FAM114A1: variants seen among roughly 807,000 people sequenced by gnomAD.
FAM114A1 encodes the protein family with sequence similarity 114 member A1, also known as protein NOXP20.
A neutral mutation model predicts 64.3 loss-of-function variants in FAM114A1; 62 were observed. The ratio of observed to expected loss-of-function variants is 0.96; its 90% CI spans 0.79 to 1.19. FAM114A1 has a LOEUF of 1.19. Among genes scored for constraint, FAM114A1 ranks in the 50% most tolerant of loss-of-function variants. The pLI is 0.00. For missense variants in FAM114A1, 645 were observed against 676.3 expected (o/e 0.95, Z 0.51); for synonymous variants, 254 against 251.1 (o/e 1.01, Z -0.11).
chr4:38,887,987 C>T (rs903529315), intron 3 of FAM114A1, among the ~76,000 whole-genome samples: 13 of 152,246 alleles, frequency 8.5e-5, no homozygotes, highest in Admixed American at 7.2e-4. Flanking sequence ...ATACGCAGCA[C>T]CTGATTCTTG....
At chr4:38,925,238 T>G (rs1291448704) in intron 9 of FAM114A1, among the ~76,000 whole-genome samples, 2 of 152,226 alleles carry the variant, frequency 1.3e-5, no homozygotes, top group African/African-American at 4.8e-5. Context: ...AGAGGGCATC[T>G]CCAGATTTTC....
chr4:38,888,198 C>G (rs1333198687), intron 3 of FAM114A1, among the ~76,000 whole-genome samples: 2 of 151,358 alleles, frequency 1.3e-5, no homozygotes, highest in Non-Finnish European at 2.9e-5. Flanking sequence ...AAATGGGATA[C>G]TAGATATGAA....
Position 38,935,752 on chromosome 4 carries a change from T to C in FAM114A1, c.1498T>C (p.Leu500=), listed in dbSNP as rs2109800087. The C allele has an allele frequency of 6.2e-7, 1 of 1,612,176 alleles. No homozygotes were observed. The highest frequency in any genetic ancestry group is 8.5e-7 in the Non-Finnish European group (1 of 1,178,554). ...TGCAATGTGCAATGAAGTGGCCTCTTTATCAAAGAAGTTTACGAATTCTTT... is the reference window on the plus strand; with the variant it reads ...TGCAATGTGCAATGAAGTGGCCTCTCTATCAAAGAAGTTTACGAATTCTTT... The part of the protein sequence containing the change: ...TTAMCNEVAS[L]SKKFTNSLTT... Residue 500 remains leucine, a synonymous_variant, in exon 13 of 15, where the codon TTA becomes CTA. Coordinates refer to ENST00000358869, the MANE Select transcript of FAM114A1 (RefSeq NM_138389.4).
rs1206270463 is a variant in FAM114A1, at chr4:38,945,360, T to G, written c.*1803T>G. The G allele has an allele frequency of 6.6e-6, 1 of 152,252 alleles. No homozygotes were observed. Among genetic ancestry groups the G allele is most frequent in the Admixed American group, 6.5e-5 (1 of 15,280 alleles). 9.4% of individuals were successfully genotyped at this position (152,252 alleles called of 1,614,324 possible). On this transcript the variant is annotated 3_prime_UTR_variant, in exon 15 of 15. Transcript: ENST00000358869. ...GGGCATTGTCAGTGGCTGCTTCTCCTGAGCTCCACGCCTTCATTGCAGCTG... is the reference window on the plus strand; with the variant it reads ...GGGCATTGTCAGTGGCTGCTTCTCCGGAGCTCCACGCCTTCATTGCAGCTG...
intron 2 of FAM114A1, 35 bp from the exon 3 acceptor site, chr4:38,878,036 A>C: frequency 6.7e-7 from 1 of 1,497,508 alleles, no homozygotes; most frequent in Non-Finnish European, 9.0e-7. Flanking sequence ...TAACAATTCG[A>C]TGAAAGCATG....
chr4:38,891,897 C>T lies in FAM114A1; in HGVS notation c.436+67C>T, dbSNP rs561431922. ...GCCTAATAGGATAGGACGTTTTGAT[C>T]GTACTGTATACTAATAGAGTTTAAC... is the stretch of plus-strand genomic sequence containing the variant. On this transcript the variant is annotated intron_variant, in intron 4 of 14. Coordinates refer to ENST00000358869, the MANE Select transcript of FAM114A1 (RefSeq NM_138389.4). 1,050 of 1,422,428 alleles carry T rather than the reference C, an allele frequency of 7.4e-4. 3 individuals are homozygous for T. Among genetic ancestry groups the T allele is most frequent in the South Asian group, 3.5e-3 (255 of 73,534 alleles). The allele number at this position is 1,422,428 out of a possible 1,614,324, so 88.1% of individuals were successfully genotyped here.
intron 3 of FAM114A1, among the ~76,000 whole-genome samples, chr4:38,886,874 A>G (rs1445161573): frequency 6.7e-6 from 1 of 150,294 alleles, no homozygotes; most frequent in Non-Finnish European, 1.5e-5. Context: ...GCTGCAGTGA[A>G]CCAAAATCAC....
At chr4:38,915,745 G>C (rs187484438) in intron 8 of FAM114A1, among the ~76,000 whole-genome samples, 24 of 9,772 alleles carry the variant, frequency 2.5e-3, no homozygotes, top group Middle Eastern at 0.062. Flanking sequence ...ATCTATAGTG[G>C]TGTGTGTGTG....
At chr4:38,936,837 A>G (rs1287268148) in intron 13 of FAM114A1, among the ~76,000 whole-genome samples, 1 of 152,212 alleles carries the variant, frequency 6.6e-6, no homozygotes, top group Non-Finnish European at 1.5e-5. Flanking sequence ...GGCATGAGCC[A>G]CCGCGCCTGG....
intron 4 of FAM114A1, among the ~76,000 whole-genome samples, chr4:38,894,246 A>C (rs1490939620): frequency 6.6e-6 from 1 of 150,610 alleles, no homozygotes; most frequent in Non-Finnish European, 1.5e-5. Context: ...TCATTGTCTT[A>C]ATCTGCGGCC....
chr4:38,888,635 T>A (rs928775629), intron 3 of FAM114A1, among the ~76,000 whole-genome samples: 1 of 152,266 alleles, frequency 6.6e-6, no homozygotes, highest in Non-Finnish European at 1.5e-5. Context: ...TCCCTTTTGA[T>A]TAAGCCAAAT....
chr4:38,914,907 G>C lies in FAM114A1; in HGVS notation c.793-14G>C, dbSNP rs1233799039. 1 of 1,612,946 alleles carries C rather than the reference G, an allele frequency of 6.2e-7. No individual in the cohort carries two copies. The highest frequency in any genetic ancestry group is 1.7e-5 in the Admixed American group (1 of 59,902). On this transcript the variant is annotated splice_polypyrimidine_tract_variant and intron_variant, in intron 7 of 14. Coordinates refer to ENST00000358869, the MANE Select transcript of FAM114A1 (RefSeq NM_138389.4). ...AATGTACATCCAGAGTACAAACATTGTGTATTTCTGCAGATGTTAAGGGAA... is the reference window on the plus strand; with the variant it reads ...AATGTACATCCAGAGTACAAACATTCTGTATTTCTGCAGATGTTAAGGGAA...
intron 8 of FAM114A1, 113 bp downstream of exon 8, chr4:38,915,186 T>C (rs747736764): frequency 7.5e-7 from 1 of 1,341,424 alleles, no homozygotes; most frequent in Non-Finnish European, 1.0e-6. Context: ...CTCATTATTA[T>C]TGTGCTGAGG....
intron 8 of FAM114A1, among the ~76,000 whole-genome samples, chr4:38,920,230 T>G (rs1719459419): frequency 1.3e-5 from 2 of 151,190 alleles, no homozygotes. Context: ...ACAGAAAAAC[T>G]AATCATTTTC....
intron 3 of FAM114A1, among the ~76,000 whole-genome samples, chr4:38,882,176 G>A (rs1323966492): frequency 1.4e-5 from 2 of 146,904 alleles, no homozygotes; most frequent in South Asian, 4.3e-4. Context: ...GCCGGGCGCG[G>A]TGGTGGGCGC....
intron 9 of FAM114A1, among the ~76,000 whole-genome samples, chr4:38,923,919 A>G (rs977327171): frequency 2.0e-5 from 3 of 152,202 alleles, no homozygotes; most frequent in African/African-American, 7.2e-5. Flanking sequence ...AGCAGAAGAG[A>G]GTAAAACATT....
At chr4:38,908,457 TCTC>T (rs1420273357) in intron 6 of FAM114A1, 132 bp from the exon 7 acceptor site, 2 of 760,656 alleles carry the variant, frequency 2.6e-6, no homozygotes, top group South Asian at 3.1e-5. Context: ...GGATGATAAA[TCTC>T]CTGATGAGAA....
At chr4:38,909,700 T>G (rs1475332644) in intron 7 of FAM114A1, among the ~76,000 whole-genome samples, 1 of 152,232 alleles carries the variant, frequency 6.6e-6, no homozygotes, top group African/African-American at 2.4e-5. Flanking sequence ...CAGAAGCAGC[T>G]GATGCAGCAG....
At chr4:38,923,224 C>CTTA in intron 9 of FAM114A1, among the ~76,000 whole-genome samples, 1 of 131,734 alleles carries the variant, frequency 7.6e-6, no homozygotes, top group Non-Finnish European at 1.6e-5. Flanking sequence ...TATGCTGCCA[C>CTTA]TTTTTTTTTT....
Sources: allele counts gnomAD v4.1 joint callset (sites outside exome capture counted in the v4.1 genomes callset), GRCh38; gene constraint gnomAD v4.1.1; transcripts MANE v1.5; gene names NCBI Gene and HGNC (gene_info 2026-07-23, HGNC 2026-07-21).